Variants in CTNNA2 observed in about 807,000 individuals in gnomAD.
CTNNA2 encodes catenin alpha-2.
Under a neutral mutation model 101.0 loss-of-function variants are expected in CTNNA2, and 42 were observed. The ratio of observed to expected loss-of-function variants is 0.42; its 90% CI spans 0.32 to 0.54. CTNNA2 has a LOEUF of 0.54. CTNNA2 is among the 20% of genes least tolerant of loss of function. The probability of loss-of-function intolerance (pLI) is 0.14; values close to 1 mark genes in which losing one functional copy is unlikely to be tolerated. For synonymous variants in CTNNA2, 450 were observed against 456.4 expected (o/e 0.99, Z 0.18); for missense variants, 871 against 1,223.1 (o/e 0.71, Z 4.29).
rs1337476397 is a variant in CTNNA2 at position 80,013,396 on chromosome 2, C to A, written c.1056+103599C>A. On this transcript the variant is annotated intron_variant, in intron 7 of 18. Coordinates refer to ENST00000402739, the MANE Select transcript of CTNNA2 (RefSeq NM_001282597.3). ...GGAGGAGAAAAGAGGAGTTATACTG[C>A]AAAACTGCAGCTATCTTTTAAGTGA... Among the ~76,000 whole-genome samples, 3 of 152,154 alleles carry A rather than the reference C, an allele frequency of 2.0e-5. No individual in the cohort carries two copies. In the East Asian group the frequency reaches 5.8e-4, roughly 29 times the overall value.
intron 18 of CTNNA2, among the ~76,000 whole-genome samples, chr2:80,646,652 T>G (rs906021416): frequency 4.0e-5 from 6 of 151,892 alleles, no homozygotes; most frequent in African/African-American, 1.5e-4. Context: ...AATGATCTAG[T>G]ATACAGTACA....
chr2:79,607,874 TTAAAC>T (rs1464200419), intron 1 of CTNNA2, among the ~76,000 whole-genome samples: 1 of 151,870 alleles, frequency 6.6e-6, no homozygotes, highest in Non-Finnish European at 1.5e-5. Flanking sequence ...GAAGGGCAAA[TTAAAC>T]TAAATGTAAA....
At chr2:79,973,510 T>G (rs1349790662) in intron 7 of CTNNA2, among the ~76,000 whole-genome samples, 3 of 152,054 alleles carry the variant, frequency 2.0e-5, no homozygotes, top group Non-Finnish European at 4.4e-5. Context: ...ACAGAGAAGA[T>G]TTATTGGAAA....
chr2:80,324,987 C>T (rs1679102450), intron 7 of CTNNA2, among the ~76,000 whole-genome samples: 2 of 152,140 alleles, frequency 1.3e-5, no homozygotes, highest in South Asian at 4.2e-4. Context: ...CATATTACTA[C>T]TGGATATTAT....
intron 3 of CTNNA2, among the ~76,000 whole-genome samples, chr2:79,756,052 A>G (rs1010107624): frequency 6.6e-6 from 1 of 152,090 alleles, no homozygotes; most frequent in South Asian, 2.1e-4. Flanking sequence ...AGTTTGCATT[A>G]GCTGAGGGCC....
At chr2:80,641,991 ATTT>A (rs972891486) in intron 18 of CTNNA2, among the ~76,000 whole-genome samples, 2 of 152,094 alleles carry the variant, frequency 1.3e-5, no homozygotes, top group South Asian at 4.1e-4. Context: ...GCAAAACATG[ATTT>A]TTTTAATATT....
At chr2:79,499,980 G>T (rs1671302032) in intron 4 of CTNNA2, among the ~76,000 whole-genome samples, 1 of 152,202 alleles carries the variant, frequency 6.6e-6, no homozygotes, top group Admixed American at 6.5e-5. Context: ...ATCTGTTGGA[G>T]ATTTCCCTTT....
intron 7 of CTNNA2, among the ~76,000 whole-genome samples, chr2:79,978,624 GAA>G (rs1373260684): frequency 1.3e-5 from 2 of 152,150 alleles, no homozygotes; most frequent in African/African-American, 2.4e-5. Context: ...TGCTAGGGGA[GAA>G]AAGAGTTTGA....
At chr2:80,532,335 C>T in intron 9 of CTNNA2, among the ~76,000 whole-genome samples, 1 of 152,146 alleles carries the variant, frequency 6.6e-6, no homozygotes, top group Non-Finnish European at 1.5e-5. Context: ...AAATCTTGCA[C>T]CCTCTAGCTC....
At chr2:80,222,568 G>A (rs2149057266) in intron 7 of CTNNA2, among the ~76,000 whole-genome samples, 1 of 152,206 alleles carries the variant, frequency 6.6e-6, no homozygotes, top group South Asian at 2.1e-4. Flanking sequence ...TAGAATTTTG[G>A]TCTTCTAAAG....
chr2:79,468,737 A>G (rs147890037), intron 4 of CTNNA2, among the ~76,000 whole-genome samples: 10,798 of 152,128 alleles, frequency 0.071, 776 homozygotes, highest in African/African-American at 0.19. Flanking sequence ...ACTCAAAACC[A>G]CTCAACTACA....
intron 1 of CTNNA2, among the ~76,000 whole-genome samples, chr2:79,603,641 A>C (rs1164327800): frequency 6.6e-6 from 1 of 152,236 alleles, no homozygotes; most frequent in African/African-American, 2.4e-5. Context: ...AATACATATT[A>C]AACTAACTGA....
intron 18 of CTNNA2, among the ~76,000 whole-genome samples, chr2:80,636,317 G>C (rs113870446): frequency 6.6e-6 from 1 of 152,082 alleles, no homozygotes; most frequent in African/African-American, 2.4e-5. Flanking sequence ...GTTTAAGACC[G>C]AATAAAAGAT....
intron 4 of CTNNA2, among the ~76,000 whole-genome samples, chr2:79,418,242 G>A (rs6724017): frequency 0.68 from 102,961 of 151,770 alleles, 35,335 homozygotes; most frequent in African/African-American, 0.79. Flanking sequence ...GAAGTTGCGT[G>A]TCTTGTGACC....
intron 7 of CTNNA2, among the ~76,000 whole-genome samples, chr2:80,028,568 A>T (rs1366213429): frequency 6.6e-6 from 1 of 152,228 alleles, no homozygotes; most frequent in Non-Finnish European, 1.5e-5. Context: ...ATATGCCCAC[A>T]TCTTAACAGG....
At chr2:80,634,151 C>A (rs900675128) in intron 18 of CTNNA2, among the ~76,000 whole-genome samples, 2 of 151,980 alleles carry the variant, frequency 1.3e-5, no homozygotes, top group African/African-American at 4.8e-5. Context: ...ATGCTAGGCA[C>A]TGTTTTAGAT....
intron 9 of CTNNA2, among the ~76,000 whole-genome samples, chr2:80,507,229 G>A (rs980055342): frequency 3.3e-5 from 5 of 152,152 alleles, no homozygotes; most frequent in African/African-American, 1.2e-4. Flanking sequence ...TACATGTAAA[G>A]TACTTAGCAA....
At chr2:79,762,286 A>G (rs990282156) in intron 3 of CTNNA2, among the ~76,000 whole-genome samples, 2 of 152,206 alleles carry the variant, frequency 1.3e-5, no homozygotes, top group Non-Finnish European at 2.9e-5. Flanking sequence ...TTCCAGTCTC[A>G]ATTGACAGCA....
At chr2:80,073,469 A>T (rs1698477269) in intron 7 of CTNNA2, among the ~76,000 whole-genome samples, 1 of 152,132 alleles carries the variant, frequency 6.6e-6, no homozygotes, top group East Asian at 1.9e-4. Context: ...TGAGATCTTT[A>T]CACCCAGAGC....
Sources: gnomAD v4.1 joint callset for allele counts (sites outside exome capture counted in the v4.1 genomes callset) on GRCh38, gnomAD v4.1.1 for gene constraint, MANE v1.5 for transcripts, NCBI Gene and HGNC (gene_info 2026-07-23, HGNC 2026-07-21) for gene names.